Variants in SLC10A7 observed in about 807,000 individuals in gnomAD.
The protein encoded by SLC10A7 is sodium/bile acid cotransporter 7.
A neutral mutation model predicts 43.2 loss-of-function variants in SLC10A7; 29 were observed. The ratio of observed to expected loss-of-function variants is 0.67; its 90% confidence interval spans 0.50 to 0.92. The LOEUF is 0.92. SLC10A7 is among the 40% of genes least tolerant of loss of function. SLC10A7 has a pLI of 0.00. For synonymous variants in SLC10A7, 152 were observed against 144.8 expected (o/e 1.05, Z -0.35); for missense variants, 295 against 403.2 (o/e 0.73, Z 2.30).
chr4:146,467,305 G>A (rs2149952880), intron 4 of SLC10A7, among the ~76,000 whole-genome samples: 1 of 152,142 alleles, frequency 6.6e-6, no homozygotes, highest in South Asian at 2.1e-4. Context: ...TCAGTTTCCT[G>A]TTAATTAATC....
chr4:146,289,918 G>T (rs937719073), intron 9 of SLC10A7, among the ~76,000 whole-genome samples: 3 of 150,034 alleles, frequency 2.0e-5, no homozygotes, highest in Non-Finnish European at 4.4e-5. Context: ...ATTTCGCCAT[G>T]TTGGCCTGGC....
Position 146,369,626 on chromosome 4 carries a change from G to A in SLC10A7, c.436-43630C>T, listed in dbSNP as rs139830863. 2.2e-3 allele frequency among the ~76,000 whole-genome samples: 329 copies of A among 152,182 alleles called. 1 individual carries two copies. Among genetic ancestry groups the A allele is most frequent in the Non-Finnish European group, 3.6e-3 (247 of 67,996 alleles). The stretch of plus-strand genomic sequence containing the variant: ...GAGGGATCTCCAGCAGACAAATGAC[G>A]CTTACTCCTAAGGCCTGATTACTGA... On this transcript the variant is annotated intron_variant, in intron 5 of 11. Transcript: ENST00000335472.
chr4:146,454,111 T>A, intron 4 of SLC10A7, among the ~76,000 whole-genome samples: 1 of 151,946 alleles, frequency 6.6e-6, no homozygotes, highest in East Asian at 1.9e-4. Context: ...TCAGTTCAAA[T>A]AAGCTCATCA....
chr4:146,293,101 A>G (rs372908088), intron 8 of SLC10A7, 121 bp from the exon 9 acceptor site: 3 of 592,320 alleles, frequency 5.1e-6, no homozygotes, highest in South Asian at 2.4e-5. Flanking sequence ...AAACAAATAA[A>G]CCAAACAAGC....
At chr4:146,347,873 A>G (rs1281958084) in intron 5 of SLC10A7, among the ~76,000 whole-genome samples, 1 of 152,224 alleles carries the variant, frequency 6.6e-6, no homozygotes, top group Non-Finnish European at 1.5e-5. Flanking sequence ...ATAGGTGAAA[A>G]GAGGAAGAAA....
At chr4:146,367,504 G>T (rs1352237390) in intron 5 of SLC10A7, among the ~76,000 whole-genome samples, 1 of 151,970 alleles carries the variant, frequency 6.6e-6, no homozygotes, top group Non-Finnish European at 1.5e-5. Flanking sequence ...GAGAGTATAG[G>T]TTCACAAAAC....
At chr4:146,309,301 A>G (rs1374702652) in intron 6 of SLC10A7, among the ~76,000 whole-genome samples, 3 of 152,170 alleles carry the variant, frequency 2.0e-5, no homozygotes, top group Admixed American at 6.5e-5. Flanking sequence ...AGGTTGGGAC[A>G]CTATGTCATT....
At position 146,517,113 on chromosome 4, in the gene SLC10A7, C is replaced by T. The variant is rs1475679395; in HGVS notation, c.108G>A (p.Leu36=). The part of the protein sequence containing the change: ...EPSIGVNGGP[L]KPEITVSYIA... Reference sequence around the variant, plus strand: ...TGTAGGATACAGTTATTTCTGGCTTCAGTGGTCCTAAAAAGAGAAAAAAGA... The same window carrying T: ...TGTAGGATACAGTTATTTCTGGCTTTAGTGGTCCTAAAAAGAGAAAAAAGA... The change falls in exon 2 of 12, where the codon CTG becomes CTA. Residue 36 remains leucine, a synonymous_variant. Transcript: ENST00000335472. The T allele has an allele frequency of 6.2e-7, 1 of 1,605,968 alleles. No homozygotes were observed. The highest frequency in any genetic ancestry group is 8.5e-7 in the Non-Finnish European group (1 of 1,175,602).
intron 9 of SLC10A7, 43 bp downstream of exon 9, chr4:146,292,886 C>T (rs769216178): frequency 7.2e-7 from 1 of 1,394,848 alleles, no homozygotes; most frequent in Non-Finnish European, 1.0e-6. Context: ...CCGCATGATT[C>T]CTAATTTAGA....
At chr4:146,371,139 T>C (rs1200933388) in intron 5 of SLC10A7, among the ~76,000 whole-genome samples, 1 of 152,212 alleles carries the variant, frequency 6.6e-6, no homozygotes, top group African/African-American at 2.4e-5. Flanking sequence ...CAATGTGATA[T>C]GTACTCTGAT....
intron 4 of SLC10A7, among the ~76,000 whole-genome samples, chr4:146,502,974 A>G (rs1371692898): frequency 1.3e-5 from 2 of 152,222 alleles, no homozygotes; most frequent in African/African-American, 2.4e-5. Context: ...TGATGGTTTC[A>G]CAAATGTACA....
At position 146,410,026 on chromosome 4, in the gene SLC10A7, G is replaced by A. The variant is rs376465849; in HGVS notation, c.435+32757C>T. Among the ~76,000 whole-genome samples, 10 of 152,218 alleles carry A rather than the reference G, an allele frequency of 6.6e-5. No individual in the cohort carries two copies. In the South Asian group the frequency reaches 2.1e-3, roughly 32 times the overall value. On this transcript the variant is annotated intron_variant, in intron 5 of 11. Coordinates refer to ENST00000335472, the MANE Select transcript of SLC10A7 (RefSeq NM_001029998.6). ...ATTGCAGATGTTAATAGTTTACTTA[G>A]TTTTTAAGGACATTTAATAATCACA...
At chr4:146,405,562 C>T (rs568716508) in intron 5 of SLC10A7, among the ~76,000 whole-genome samples, 7 of 152,236 alleles carry the variant, frequency 4.6e-5, no homozygotes, top group South Asian at 2.1e-4. Context: ...TTTAAACACA[C>T]ACATCTAAAG....
intron 5 of SLC10A7, among the ~76,000 whole-genome samples, chr4:146,373,019 T>C (rs913832013): frequency 2.6e-5 from 4 of 152,220 alleles, no homozygotes; most frequent in African/African-American, 9.6e-5. Context: ...AGAGCCCTAT[T>C]TGCTTCACAA....
chr4:146,271,384 A>G (rs1048820177), intron 10 of SLC10A7, among the ~76,000 whole-genome samples: 2 of 152,066 alleles, frequency 1.3e-5, no homozygotes, highest in African/African-American at 4.8e-5. Context: ...TACATATCCA[A>G]TTCACCAGCA....
At chr4:146,351,217 G>A (rs898792686) in intron 5 of SLC10A7, among the ~76,000 whole-genome samples, 13 of 150,380 alleles carry the variant, frequency 8.6e-5, no homozygotes, top group East Asian at 3.9e-4. Context: ...ACCAAGGCTC[G>A]AGAACTACGT....
intron 4 of SLC10A7, among the ~76,000 whole-genome samples, chr4:146,457,492 G>A (rs1732163430): frequency 6.6e-6 from 1 of 151,574 alleles, no homozygotes; most frequent in Non-Finnish European, 1.5e-5. Context: ...CTTTGTTTTT[G>A]GACCCATTAA....
intron 10 of SLC10A7, among the ~76,000 whole-genome samples, chr4:146,270,436 C>G (rs1213997458): frequency 2.0e-5 from 3 of 152,146 alleles, no homozygotes; most frequent in Admixed American, 2.0e-4. Flanking sequence ...CTTTTTGGAA[C>G]CTAGTAGAAC....
chr4:146,269,434 C>T (rs1728764804), intron 10 of SLC10A7, among the ~76,000 whole-genome samples: 1 of 152,190 alleles, frequency 6.6e-6, no homozygotes, highest in African/African-American at 2.4e-5. Context: ...ACAAGCTTAG[C>T]AGGAAGTAGT....
Sources: gnomAD v4.1 joint callset for allele counts (sites outside exome capture counted in the v4.1 genomes callset) on GRCh38, gnomAD v4.1.1 for gene constraint, MANE v1.5 for transcripts, NCBI Gene and HGNC (gene_info 2026-07-23, HGNC 2026-07-21) for gene names.